Variants in ARHGAP6 observed in about 807,000 individuals in gnomAD.
ARHGAP6 encodes the protein Rho GTPase activating protein 6, also known as rho GTPase-activating protein 6.
In ARHGAP6, 16 loss-of-function variants were observed where a neutral mutation model predicts 55.7. The observed-to-expected ratio is 0.29, with a 90% confidence interval of 0.19 to 0.44. The LOEUF (loss-of-function observed/expected upper bound fraction) is 0.44. ARHGAP6 is among the 20% of genes least tolerant of loss of function. The probability of loss-of-function intolerance (pLI) is 1.00; values close to 1 mark genes in which losing one functional copy is unlikely to be tolerated. For missense variants in ARHGAP6, 698 were observed against 808.9 expected (o/e 0.86, Z 1.66); for synonymous variants, 382 against 360.9 (o/e 1.06, Z -0.66).
intron 1 of ARHGAP6, among the ~76,000 whole-genome samples, chrX:11,608,300 TATAAAA>T (rs957542779): frequency 8.9e-5 from 10 of 112,140 alleles, no homozygotes; most frequent in African/African-American, 3.2e-4. Context: ...GTGTTCAAAA[TATAAAA>T]ATAATTTTTT....
At chrX:11,297,721 C>T (rs749192334) in intron 1 of ARHGAP6, among the ~76,000 whole-genome samples, 2 of 111,796 alleles carry the variant, frequency 1.8e-5, no homozygotes, top group African/African-American at 3.2e-5. Flanking sequence ...TCTGTTGAAC[C>T]GAAAAGATTG....
At chrX:11,180,650 T>A (rs376131786) in intron 6 of ARHGAP6, among the ~76,000 whole-genome samples, 1 of 112,133 alleles carries the variant, frequency 8.9e-6, no homozygotes, top group East Asian at 2.8e-4. Context: ...TATTGGGTAA[T>A]CCTTAAATAC....
chrX:11,428,122 G>A (rs1378441004), intron 1 of ARHGAP6, among the ~76,000 whole-genome samples: 1 of 112,614 alleles, frequency 8.9e-6, no homozygotes, highest in African/African-American at 3.2e-5. Flanking sequence ...AAGAAAGAGA[G>A]ACTTTCACTA....
intron 1 of ARHGAP6, among the ~76,000 whole-genome samples, chrX:11,550,829 GTCAAATTC>G (rs1318427036): frequency 2.7e-5 from 3 of 111,958 alleles, no homozygotes; most frequent in Non-Finnish European, 5.6e-5. Flanking sequence ...ATATTATCTT[GTCAAATTC>G]TCCACTTTGT....
chrX:11,478,190 T>A (rs2050422833), intron 1 of ARHGAP6, among the ~76,000 whole-genome samples: 1 of 111,688 alleles, frequency 9.0e-6, no homozygotes. Flanking sequence ...CACTCCTAGC[T>A]TTATACCCAA....
At chrX:11,617,334 T>C (rs1333748991) in intron 1 of ARHGAP6, among the ~76,000 whole-genome samples, 1 of 112,049 alleles carries the variant, frequency 8.9e-6, no homozygotes, top group African/African-American at 3.2e-5. Context: ...TCTATGACCA[T>C]TGGTGCTATA....
chrX:11,187,344 C>G (rs905703891), intron 4 of ARHGAP6, among the ~76,000 whole-genome samples: 2 of 111,152 alleles, frequency 1.8e-5, no homozygotes, highest in Non-Finnish European at 3.8e-5. Context: ...CGCACCCATA[C>G]TTGATGAAGC....
chrX:11,658,412 C>A (rs1283143974), intron 1 of ARHGAP6, among the ~76,000 whole-genome samples: 4 of 111,318 alleles, frequency 3.6e-5, no homozygotes, highest in African/African-American at 1.3e-4. Flanking sequence ...CTTAAAAAAA[C>A]CTTAAGGCAT....
chrX:11,529,606 G>C (rs2051027255), intron 1 of ARHGAP6, among the ~76,000 whole-genome samples: 1 of 111,746 alleles, frequency 8.9e-6, no homozygotes, highest in South Asian at 3.7e-4. Context: ...TGGATCTAAA[G>C]ATCATTAAAC....
At chrX:11,508,011 C>G (rs1038115879) in intron 1 of ARHGAP6, among the ~76,000 whole-genome samples, 2 of 111,292 alleles carry the variant, frequency 1.8e-5, no homozygotes, top group African/African-American at 6.5e-5. Flanking sequence ...AAGAGGGAGA[C>G]AATTATTAAA....
chrX:11,197,130 A>G lies in ARHGAP6; in HGVS notation c.749-134T>C, dbSNP rs1171261030. ...AATTTGACATTTTAAGCAGAGTAACAGCTCTGAGAATACATGAAAATCCTG... is the reference window on the plus strand; with the variant it reads ...AATTTGACATTTTAAGCAGAGTAACGGCTCTGAGAATACATGAAAATCCTG... On this transcript the variant is annotated intron_variant, in intron 2 of 12. Transcript: ENST00000337414. 2.4e-5 allele frequency: 10 copies of G among 422,930 alleles called. No individual in the cohort carries two copies. The Admixed American group carries it at 4.2e-4, about 18-fold the overall frequency. The allele number at this position is 422,930 out of a possible 1,213,427, so 34.9% of individuals were successfully genotyped here. A position where few individuals can be genotyped will look rare whatever the true frequency, so the allele number is the denominator to read the frequency against.
chrX:11,550,346 T>C (rs2051254422), intron 1 of ARHGAP6, among the ~76,000 whole-genome samples: 1 of 111,985 alleles, frequency 8.9e-6, no homozygotes, highest in Non-Finnish European at 1.9e-5. Flanking sequence ...CCAGACCTGC[T>C]GAATAAGAAT....
chrX:11,296,878 G>A (rs1399794877), intron 1 of ARHGAP6: 2 of 1,163,098 alleles, frequency 1.7e-6, no homozygotes, highest in Non-Finnish European at 2.3e-6. Flanking sequence ...ACAATGCCCT[G>A]GGCTCTGTAA....
intron 2 of ARHGAP6, among the ~76,000 whole-genome samples, chrX:11,253,748 CA>C (rs762514308): frequency 9.0e-6 from 1 of 110,641 alleles, no homozygotes; most frequent in Admixed American, 9.6e-5. Flanking sequence ...CTACTATAAA[CA>C]CAAAAATTAG....
intron 1 of ARHGAP6, among the ~76,000 whole-genome samples, chrX:11,472,795 G>A (rs2050361097): frequency 9.0e-6 from 1 of 111,210 alleles, no homozygotes; most frequent in Non-Finnish European, 1.9e-5. Flanking sequence ...GGAGGTAAGA[G>A]GCCTTGCTAA....
chrX:11,476,514 T>C, intron 1 of ARHGAP6, among the ~76,000 whole-genome samples: 1 of 111,712 alleles, frequency 9.0e-6, no homozygotes, highest in East Asian at 2.8e-4. Context: ...CCAATACATT[T>C]TGAATAGGAA....
rs1416750146 is a variant in ARHGAP6 at position 11,615,422 on chromosome X, T to C, written c.588+48819A>G. 3.6e-5 allele frequency among the ~76,000 whole-genome samples: 4 copies of C among 112,030 alleles called. No individual in the cohort carries two copies. The South Asian group carries it at 1.5e-3, about 42-fold the overall frequency. On this transcript the variant is annotated intron_variant, in intron 1 of 12. Coordinates refer to ENST00000337414, the MANE Select transcript of ARHGAP6 (RefSeq NM_013427.3). Reference sequence around the variant, plus strand: ...CACTATTCCTAACAGGAATGGGTGTTCAATAATTGTTGGGTCAAACAAAGT... The same window carrying C: ...CACTATTCCTAACAGGAATGGGTGTCCAATAATTGTTGGGTCAAACAAAGT...
intron 2 of ARHGAP6, among the ~76,000 whole-genome samples, chrX:11,235,902 A>G (rs2147449694): frequency 8.9e-6 from 1 of 111,757 alleles, no homozygotes; most frequent in East Asian, 2.8e-4. Context: ...CTAAGTTTCA[A>G]AGTTTCTGAG....
chrX:11,575,756 A>G (rs1446991087), intron 1 of ARHGAP6, among the ~76,000 whole-genome samples: 4 of 112,402 alleles, frequency 3.6e-5, no homozygotes, highest in Non-Finnish European at 7.5e-5. Context: ...AGGATTCCAG[A>G]ATTTCAGCCT....
Sources: gnomAD v4.1 joint callset for allele counts (sites outside exome capture counted in the v4.1 genomes callset) on GRCh38, gnomAD v4.1.1 for gene constraint, MANE v1.5 for transcripts, NCBI Gene and HGNC (gene_info 2026-07-23, HGNC 2026-07-21) for gene names.